SLC9A9: variants seen among roughly 807,000 people sequenced by gnomAD.
SLC9A9 encodes the protein solute carrier family 9 member A9, also known as sodium/hydrogen exchanger 9.
A neutral mutation model predicts 77.8 loss-of-function variants in SLC9A9; 62 were observed. The observed-to-expected ratio is 0.80, with a 90% CI of 0.65 to 0.98. SLC9A9 has a LOEUF of 0.98. Among genes scored for constraint, SLC9A9 ranks in the 50% least tolerant of loss-of-function variants. SLC9A9 has a pLI of 0.00. For missense variants in SLC9A9, 775 were observed against 774.9 expected (o/e 1.00, Z 0.00); for synonymous variants, 320 against 283.5 (o/e 1.13, Z -1.29).
intron 5 of SLC9A9, among the ~76,000 whole-genome samples, chr3:143,692,479 G>C (rs956061): frequency 0.43 from 65,678 of 151,978 alleles, 14,377 homozygotes; most frequent in South Asian, 0.6. Context: ...TGAGAGAGTG[G>C]GTGTGGAGGG....
chr3:143,733,901 T>A (rs1432928339), intron 4 of SLC9A9, among the ~76,000 whole-genome samples: 1 of 152,130 alleles, frequency 6.6e-6, no homozygotes, highest in Non-Finnish European at 1.5e-5. Flanking sequence ...TCGAATTGAC[T>A]AAGAAAACCT....
At chr3:143,687,850 G>C (rs1433772254) in intron 5 of SLC9A9, among the ~76,000 whole-genome samples, 1 of 152,066 alleles carries the variant, frequency 6.6e-6, no homozygotes, top group African/African-American at 2.4e-5. Context: ...GCCAAACTTG[G>C]AAAGTAGACT....
chr3:143,446,659 G>A (rs2034848742), intron 12 of SLC9A9, among the ~76,000 whole-genome samples: 1 of 152,140 alleles, frequency 6.6e-6, no homozygotes, highest in Non-Finnish European at 1.5e-5. Flanking sequence ...AGTTACTTCT[G>A]TGGGGTGTGA....
At chr3:143,704,135 T>C (rs1339354725) in intron 4 of SLC9A9, among the ~76,000 whole-genome samples, 2 of 152,156 alleles carry the variant, frequency 1.3e-5, no homozygotes, top group African/African-American at 4.8e-5. Context: ...TTACTGCTTC[T>C]ATCAAAAATT....
At chr3:143,453,274 GT>G (rs1279340482) in intron 12 of SLC9A9, among the ~76,000 whole-genome samples, 1 of 151,900 alleles carries the variant, frequency 6.6e-6, no homozygotes, top group African/African-American at 2.4e-5. Flanking sequence ...TTTGATCTAG[GT>G]TTTAAAGACT....
In SLC9A9 at chr3:143,574,239, C is replaced by T. The variant is rs1272608424; in HGVS notation, c.895-46G>A. The T allele has an allele frequency of 2.8e-6, 4 of 1,453,472 alleles. No individual in the cohort carries two copies. The African/African-American group carries it at 5.6e-5, about 20-fold the overall frequency. 90.0% of individuals were successfully genotyped at this position (1,453,472 alleles called of 1,614,324 possible). A position where few individuals can be genotyped will look rare whatever the true frequency, so the allele number is the denominator to read the frequency against. Reference sequence around the variant, plus strand: ...GAAACAACAACAGCTTTTACAGCTACATCTCCTTCTTGGCTGAGAATAAAA... The same window carrying T: ...GAAACAACAACAGCTTTTACAGCTATATCTCCTTCTTGGCTGAGAATAAAA... On this transcript the variant is annotated intron_variant, in intron 7 of 15. Coordinates refer to ENST00000316549, the MANE Select transcript of SLC9A9 (RefSeq NM_173653.4).
At chr3:143,597,561 C>A (rs1353374562) in intron 6 of SLC9A9, among the ~76,000 whole-genome samples, 1 of 152,194 alleles carries the variant, frequency 6.6e-6, no homozygotes, top group Admixed American at 6.5e-5. Context: ...TTTAAGAAAG[C>A]TGTTGATGAG....
At chr3:143,377,360 GT>G (rs2033202219) in intron 13 of SLC9A9, among the ~76,000 whole-genome samples, 1 of 152,174 alleles carries the variant, frequency 6.6e-6, no homozygotes, top group Non-Finnish European at 1.5e-5. Context: ...CAGATACTTT[GT>G]TGTGCCCCTT....
chr3:143,516,172 T>C (rs765888773), intron 9 of SLC9A9, among the ~76,000 whole-genome samples: 11 of 152,190 alleles, frequency 7.2e-5, no homozygotes, highest in Non-Finnish European at 1.5e-4. Flanking sequence ...GTACACGACA[T>C]GTTCTTACTT....
At position 143,606,436 on chromosome 3, in the gene SLC9A9, C is replaced by CTCTA. The variant is rs1419410834; in HGVS notation, c.756-27714_756-27713insTAGA. ...TCTCTCTCTCTCTCTCTCTCTCTCT[C>CTCTA]TATATATATATATATATATATATAT... is the stretch of plus-strand genomic sequence containing the variant. On this transcript the variant is annotated intron_variant, in intron 6 of 15. Coordinates refer to ENST00000316549, the MANE Select transcript of SLC9A9 (RefSeq NM_173653.4). 9.6e-3 allele frequency among the ~76,000 whole-genome samples: 518 copies of CTCTA among 54,198 alleles called. 4 individuals carry two copies. Among genetic ancestry groups the CTCTA allele is most frequent in the African/African-American group, 0.013 (168 of 13,052 alleles). 35.6% of individuals were successfully genotyped at this position (54,198 alleles called of 152,430 possible). A position where few individuals can be genotyped will look rare whatever the true frequency, so the allele number is the denominator to read the frequency against.
At chr3:143,419,947 C>T (rs567520328) in intron 12 of SLC9A9, among the ~76,000 whole-genome samples, 4 of 152,114 alleles carry the variant, frequency 2.6e-5, no homozygotes, top group South Asian at 2.1e-4. Flanking sequence ...TTGCATTTCC[C>T]GAACACAGGG....
intron 4 of SLC9A9, among the ~76,000 whole-genome samples, chr3:143,705,722 C>T (rs1370362811): frequency 3.3e-5 from 5 of 152,140 alleles, no homozygotes; most frequent in African/African-American, 1.2e-4. Context: ...AGAGAAGGCA[C>T]GCATGCACAC....
intron 4 of SLC9A9, among the ~76,000 whole-genome samples, chr3:143,732,683 T>G (rs1035448027): frequency 6.6e-6 from 1 of 151,042 alleles, no homozygotes; most frequent in African/African-American, 2.5e-5. Context: ...TTCAGTAGAG[T>G]CCATCTAAAT....
chr3:143,762,851 T>A (rs1470660147), intron 4 of SLC9A9, among the ~76,000 whole-genome samples: 1 of 152,184 alleles, frequency 6.6e-6, no homozygotes, highest in African/African-American at 2.4e-5. Flanking sequence ...GAAGGCTGTG[T>A]GGCTGACTTT....
chr3:143,436,013 C>T (rs1341231047), intron 12 of SLC9A9, among the ~76,000 whole-genome samples: 3 of 152,226 alleles, frequency 2.0e-5, no homozygotes, highest in African/African-American at 7.2e-5. Context: ...TTCTATCTAA[C>T]CAGTCCCATG....
intron 4 of SLC9A9, among the ~76,000 whole-genome samples, chr3:143,792,582 C>T (rs1253339030): frequency 1.3e-5 from 2 of 152,088 alleles, no homozygotes; most frequent in Non-Finnish European, 2.9e-5. Context: ...CCTTTGACTT[C>T]CAGAACACAT....
intron 14 of SLC9A9, chr3:143,342,122 C>A (rs763185505): frequency 6.6e-6 from 1 of 152,184 alleles, no homozygotes; most frequent in Non-Finnish European, 1.5e-5. Context: ...ACTTTACTGA[C>A]CATCATTGAA....
intron 12 of SLC9A9, among the ~76,000 whole-genome samples, chr3:143,392,094 C>T (rs1355657061): frequency 1.3e-5 from 2 of 152,126 alleles, no homozygotes; most frequent in Non-Finnish European, 2.9e-5. Flanking sequence ...TCAGGAAACA[C>T]AGAGAACGCC....
intron 14 of SLC9A9, among the ~76,000 whole-genome samples, chr3:143,348,683 T>C (rs1192427443): frequency 1.3e-5 from 2 of 152,196 alleles, no homozygotes; most frequent in Non-Finnish European, 2.9e-5. Context: ...CATTGTGCAA[T>C]ATAGTTTTGG....
Sources: allele counts gnomAD v4.1 joint callset (sites outside exome capture counted in the v4.1 genomes callset), GRCh38; gene constraint gnomAD v4.1.1; transcripts MANE v1.5; gene names NCBI Gene and HGNC (gene_info 2026-07-23, HGNC 2026-07-21).